Variants in SLIT2 observed in about 807,000 individuals in gnomAD.
SLIT2 encodes the protein slit guidance ligand 2, also known as slit homolog 2 protein.
SLIT2 carries 41 observed loss-of-function variants against 185.7 expected under a neutral mutation model. That is an observed-to-expected ratio of 0.22 (90% CI 0.17 to 0.29). The LOEUF is 0.29. SLIT2 is among the 10% of genes least tolerant of loss of function. The pLI, the probability that SLIT2 is intolerant of heterozygous loss-of-function variation, is 1.00. For missense variants in SLIT2, 1,571 were observed against 1,909.0 expected, an observed-to-expected ratio of 0.82 and a Z score of 3.30; for synonymous variants, 693 against 680.2, an observed-to-expected ratio of 1.02 and a Z score of -0.29.
Position 20,468,850 on chromosome 4 carries a change from CTT to C in SLIT2, c.467+1039_467+1040del, listed in dbSNP as rs34126935. On this transcript the variant is annotated intron_variant, in intron 5 of 36. Transcript: ENST00000504154. ...AATTCTCCATGGTTGGATCCAATGC[CTT>C]TTTTTTTTTTTCAGTAGCAAAAGTA... 2.5e-3 allele frequency among the ~76,000 whole-genome samples: 364 copies of C among 143,726 alleles called. 2 individuals carry two copies. Among genetic ancestry groups the C allele is most frequent in the African/African-American group, 8.6e-3 (337 of 39,218 alleles). 94.3% of individuals were successfully genotyped at this position (143,726 alleles called of 152,430 possible). A position where few individuals can be genotyped will look rare whatever the true frequency, so the allele number is the denominator to read the frequency against.
At chr4:20,432,376 CA>C (rs1244955811) in intron 4 of SLIT2, among the ~76,000 whole-genome samples, 2 of 152,032 alleles carry the variant, frequency 1.3e-5, no homozygotes, top group African/African-American at 4.8e-5. Context: ...CACAGTGAAG[CA>C]AGAAAAATAC....
At chr4:20,307,228 T>TC (rs1717660013) in intron 4 of SLIT2, among the ~76,000 whole-genome samples, 2 of 113,982 alleles carry the variant, frequency 1.8e-5, no homozygotes, top group Admixed American at 1.0e-4. Flanking sequence ...CCCCTCTATT[T>TC]CTTTTCCTTC....
intron 4 of SLIT2, among the ~76,000 whole-genome samples, chr4:20,276,334 A>T (rs1714163548): frequency 6.6e-6 from 1 of 152,030 alleles, no homozygotes; most frequent in Non-Finnish European, 1.5e-5. Context: ...TAATCACTGA[A>T]TTTTTTCTGG....
intron 4 of SLIT2, among the ~76,000 whole-genome samples, chr4:20,311,647 G>C (rs537303277): frequency 6.6e-6 from 1 of 152,260 alleles, no homozygotes; most frequent in East Asian, 1.9e-4. Context: ...ATAGAAAATA[G>C]TCCAGTCAAT....
chr4:20,331,852 T>C (rs1177944488), intron 4 of SLIT2, among the ~76,000 whole-genome samples: 2 of 152,196 alleles, frequency 1.3e-5, no homozygotes, highest in Non-Finnish European at 2.9e-5. Flanking sequence ...TTCTGGATAC[T>C]TTATGTCATT....
chr4:20,442,433 AG>A (rs1331933122), intron 4 of SLIT2, among the ~76,000 whole-genome samples: 2 of 145,558 alleles, frequency 1.4e-5, no homozygotes, highest in Non-Finnish European at 3.0e-5. Context: ...CTGAGGCGGG[AG>A]AATGGTGTGA....
At chr4:20,412,071 T>G (rs992331672) in intron 4 of SLIT2, among the ~76,000 whole-genome samples, 2 of 152,136 alleles carry the variant, frequency 1.3e-5, no homozygotes, top group Non-Finnish European at 2.9e-5. Context: ...AGACAATATT[T>G]TCAGGGTTAT....
At chr4:20,580,097 C>G (rs945689160) in intron 29 of SLIT2, among the ~76,000 whole-genome samples, 1 of 144,722 alleles carries the variant, frequency 6.9e-6, no homozygotes, top group African/African-American at 2.5e-5. Context: ...GAGACCGTGT[C>G]TGGCCTAGGC....
At chr4:20,555,193 AG>A (rs961798678) in intron 26 of SLIT2, among the ~76,000 whole-genome samples, 1 of 152,142 alleles carries the variant, frequency 6.6e-6, no homozygotes, top group African/African-American at 2.4e-5. Flanking sequence ...ACTCAATCCT[AG>A]GTGTTATGGA....
intron 4 of SLIT2, among the ~76,000 whole-genome samples, chr4:20,391,104 G>A (rs1218089019): frequency 2.6e-5 from 4 of 151,876 alleles, no homozygotes; most frequent in African/African-American, 7.3e-5. Context: ...TGACTCTAAA[G>A]GCCAAAGAGC....
At chr4:20,355,734 G>C (rs1206483551) in intron 4 of SLIT2, among the ~76,000 whole-genome samples, 2 of 152,048 alleles carry the variant, frequency 1.3e-5, no homozygotes, top group Non-Finnish European at 2.9e-5. Context: ...ATTCCAGGTG[G>C]TCTTTTCAGA....
At chr4:20,282,504 C>T (rs1206386897) in intron 4 of SLIT2, among the ~76,000 whole-genome samples, 3 of 151,914 alleles carry the variant, frequency 2.0e-5, no homozygotes, top group Non-Finnish European at 2.9e-5. Flanking sequence ...TATGTAATAC[C>T]TTTTATTTAT....
chr4:20,455,564 A>C (rs1712974309), intron 4 of SLIT2, among the ~76,000 whole-genome samples: 1 of 152,192 alleles, frequency 6.6e-6, no homozygotes, highest in Admixed American at 6.5e-5. Context: ...AGAAATAAAC[A>C]AAAATGTGTT....
chr4:20,511,597 T>TTTTTTTTTTTTTTTTA (rs1334787977), intron 11 of SLIT2, among the ~76,000 whole-genome samples: 1 of 139,168 alleles, frequency 7.2e-6, no homozygotes, highest in Non-Finnish European at 1.5e-5. Context: ...ATTTTTTTTT[T>TTTTTTTTTTTTTTTTA]TTTTTTATTT....
At chr4:20,500,030 G>A (rs1194839532) in intron 9 of SLIT2, among the ~76,000 whole-genome samples, 1 of 152,072 alleles carries the variant, frequency 6.6e-6, no homozygotes, top group Non-Finnish European at 1.5e-5. Flanking sequence ...TTTTTTTACA[G>A]CACATATGGA....
At chr4:20,443,924 G>A (rs1729960267) in intron 4 of SLIT2, among the ~76,000 whole-genome samples, 1 of 152,166 alleles carries the variant, frequency 6.6e-6, no homozygotes, top group African/African-American at 2.4e-5. Flanking sequence ...AATGACAGAT[G>A]CTGGATTGAA....
chr4:20,277,293 T>C (rs1362267562), intron 4 of SLIT2, among the ~76,000 whole-genome samples: 1 of 152,146 alleles, frequency 6.6e-6, no homozygotes, highest in Non-Finnish European at 1.5e-5. Flanking sequence ...GAGAATTTTT[T>C]TGTAAGTAAA....
intron 21 of SLIT2, among the ~76,000 whole-genome samples, chr4:20,544,914 A>T (rs1723117995): frequency 6.6e-6 from 1 of 152,088 alleles, no homozygotes; most frequent in African/African-American, 2.4e-5. Flanking sequence ...TAGAGGAAAG[A>T]AAAAAATGGA....
intron 4 of SLIT2, among the ~76,000 whole-genome samples, chr4:20,339,193 AT>A (rs1720762340): frequency 6.6e-6 from 1 of 151,916 alleles, no homozygotes; most frequent in South Asian, 2.1e-4. Flanking sequence ...TATTTCTAGT[AT>A]TGAAAAGGTA....
Sources: gnomAD v4.1 joint callset for allele counts (sites outside exome capture counted in the v4.1 genomes callset) on GRCh38, gnomAD v4.1.1 for gene constraint, MANE v1.5 for transcripts, NCBI Gene and HGNC (gene_info 2026-07-23, HGNC 2026-07-21) for gene names.